KCND3: variants seen among roughly 807,000 people sequenced by gnomAD.
KCND3 encodes the protein A-type voltage-gated potassium channel KCND3.
In KCND3, 9 loss-of-function variants were observed where a neutral mutation model predicts 51.1. The ratio of observed to expected loss-of-function variants is 0.18; its 90% confidence interval spans 0.11 to 0.31. The LOEUF (loss-of-function observed/expected upper bound fraction) is 0.31. Ranked by LOEUF, KCND3 falls within the 10% of genes least tolerant of loss-of-function variation. KCND3 has a pLI of 1.00. For synonymous variants in KCND3, 349 were observed against 368.0 expected (o/e 0.95, Z 0.59); for missense variants, 526 against 903.8 (o/e 0.58, Z 5.36).
intron 2 of KCND3, among the ~76,000 whole-genome samples, chr1:111,862,167 CAAG>C (rs1668364128): frequency 1.3e-5 from 2 of 152,202 alleles, no homozygotes; most frequent in South Asian, 4.1e-4. Flanking sequence ...CCTGCTTTGA[CAAG>C]AGGGCATTGG....
chr1:111,856,063 A>G (rs1049883689), intron 2 of KCND3, among the ~76,000 whole-genome samples: 10 of 152,238 alleles, frequency 6.6e-5, no homozygotes, highest in Non-Finnish European at 1.3e-4. Flanking sequence ...CCCAGCCAGA[A>G]GCCAGGATGG....
chr1:111,816,679 A>G (rs917212477), intron 2 of KCND3, among the ~76,000 whole-genome samples: 1 of 152,240 alleles, frequency 6.6e-6, no homozygotes, highest in Admixed American at 6.5e-5. Context: ...ATTATTGCCA[A>G]CTGTTTTACA....
At position 111,812,312 on chromosome 1, in the gene KCND3, C is replaced by T. The variant is rs57229985; in HGVS notation, c.1107-25206G>A. 4.4e-3 allele frequency among the ~76,000 whole-genome samples: 674 copies of T among 152,238 alleles called. 6 individuals carry two copies. Among genetic ancestry groups the T allele is most frequent in the African/African-American group, 0.016 (652 of 41,536 alleles). On this transcript the variant is annotated intron_variant, in intron 2 of 7. Transcript: ENST00000302127. The stretch of plus-strand genomic sequence containing the variant: ...TGCCTGTGGCCTCTGTGTGCCACAC[C>T]CTGCATGGGGAATTAGGGGAAATGC...
At chr1:111,817,211 A>G (rs1299320235) in intron 2 of KCND3, among the ~76,000 whole-genome samples, 1 of 151,330 alleles carries the variant, frequency 6.6e-6, no homozygotes, top group Non-Finnish European at 1.5e-5. Context: ...GAAGTGGGGT[A>G]GCAAGAAAGT....
chr1:111,780,155 A>C lies in KCND3; in HGVS notation c.1461+70T>G. 7.1e-7 allele frequency: 1 copy of C among 1,401,240 alleles called. No homozygotes were observed. The allele number at this position is 1,401,240 out of a possible 1,614,324, so 86.8% of individuals were successfully genotyped here. A position where few individuals can be genotyped will look rare whatever the true frequency, so the allele number is the denominator to read the frequency against. On this transcript the variant is annotated intron_variant, in intron 5 of 7. Coordinates refer to ENST00000302127, the MANE Select transcript of KCND3 (RefSeq NM_001378969.1). This position sits in a 1 kb window ranked among gnomAD's most constrained non-coding sequence, Gnocchi z 4.2. ...CTTTGACTTCTGGCCCAGAGTGAAG[A>C]TGTGAGTACAGCCTTAGAAAAGGGT...
intron 2 of KCND3, among the ~76,000 whole-genome samples, chr1:111,807,125 G>A (rs1222744291): frequency 6.6e-6 from 1 of 152,168 alleles, no homozygotes; most frequent in East Asian, 1.9e-4. Context: ...CCAGCACAGA[G>A]TCAAAGATAA....
At chr1:111,878,679 T>C (rs1456720816) in intron 2 of KCND3, among the ~76,000 whole-genome samples, 1 of 152,214 alleles carries the variant, frequency 6.6e-6, no homozygotes, top group African/African-American at 2.4e-5. Context: ...GAGGATGCTG[T>C]AAGCACTCTC....
chr1:111,935,373 C>T lies in KCND3; in HGVS notation c.1106+46248G>A, dbSNP rs139212545. 1.3e-4 allele frequency among the ~76,000 whole-genome samples: 20 copies of T among 152,266 alleles called. No homozygotes were observed. In the East Asian group the frequency reaches 3.9e-3, roughly 29 times the overall value. On this transcript the variant is annotated intron_variant, in intron 2 of 7. Coordinates refer to ENST00000302127, the MANE Select transcript of KCND3 (RefSeq NM_001378969.1). ...GCTTGTGGATTATTTGTGCAACCAC[C>T]TGCTTCCCTTACTCCCAGATAATTG...
chr1:111,792,945 A>C (rs928400356), intron 2 of KCND3, among the ~76,000 whole-genome samples: 1 of 149,024 alleles, frequency 6.7e-6, no homozygotes, highest in Non-Finnish European at 1.5e-5. Flanking sequence ...TTTTATATAT[A>C]AAATAATACC....
chr1:111,969,198 A>G (rs901564526), intron 2 of KCND3, among the ~76,000 whole-genome samples: 1 of 151,864 alleles, frequency 6.6e-6, no homozygotes, highest in African/African-American at 2.4e-5. Flanking sequence ...TCGTGTGCCT[A>G]CTGACCTTGT....
chr1:111,920,923 A>G lies in KCND3; in HGVS notation c.1106+60698T>C, dbSNP rs146949435. ...CCCCAGCAGGGAGTCTTTGCAAAGT[A>G]TCCTCTTTATCTGCCTTTCTTCATT... On this transcript the variant is annotated intron_variant, in intron 2 of 7. Transcript: ENST00000302127. Among the ~76,000 whole-genome samples the G allele has an allele frequency of 2.7e-3, 416 of 152,334 alleles. 2 individuals are homozygous for G. The highest frequency in any genetic ancestry group is 4.6e-3 in the Non-Finnish European group (316 of 68,034).
At chr1:111,834,885 AT>A (rs2101627754) in intron 2 of KCND3, among the ~76,000 whole-genome samples, 1 of 152,348 alleles carries the variant, frequency 6.6e-6, no homozygotes, top group South Asian at 2.1e-4. Flanking sequence ...AGCTGTGGAC[AT>A]GCTTCAGTCT....
rs369748706 is a variant in KCND3 at position 111,816,306 on chromosome 1, C to T, written c.1107-29200G>A. Reference sequence around the variant, plus strand: ...GAAATGTCAGACTTCAAAGGGTCACCCCAGACCTGGTAGGCTGTCAAGTCC... The same window carrying T: ...GAAATGTCAGACTTCAAAGGGTCACTCCAGACCTGGTAGGCTGTCAAGTCC... On this transcript the variant is annotated intron_variant, in intron 2 of 7. Transcript: ENST00000302127. Among the ~76,000 whole-genome samples the T allele has an allele frequency of 7.6e-4, 116 of 152,364 alleles. 1 individual carries two copies. Among genetic ancestry groups the T allele is most frequent in the African/African-American group, 2.7e-3 (114 of 41,598 alleles).
At chr1:111,909,499 C>T (rs1161385762) in intron 2 of KCND3, 2 of 152,168 alleles carry the variant, frequency 1.3e-5, no homozygotes, top group African/African-American at 4.8e-5. Flanking sequence ...AAACAGCAAA[C>T]GGTAACACAG....
chr1:111,838,270 G>A (rs12738398), intron 2 of KCND3, among the ~76,000 whole-genome samples: 1 of 152,140 alleles, frequency 6.6e-6, no homozygotes, highest in Non-Finnish European at 1.5e-5. Flanking sequence ...CACTCCAGGT[G>A]GTGGAGGTCA....
At chr1:111,968,092 G>C (rs1674105780) in intron 2 of KCND3, among the ~76,000 whole-genome samples, 1 of 152,206 alleles carries the variant, frequency 6.6e-6, no homozygotes, top group African/African-American at 2.4e-5. Flanking sequence ...ATGCGTGGGG[G>C]TGAGAAGGAG....
chr1:111,962,224 T>C (rs554230164), intron 2 of KCND3, among the ~76,000 whole-genome samples: 1 of 152,204 alleles, frequency 6.6e-6, no homozygotes. Flanking sequence ...TTTGATCACA[T>C]TGTAAGAAAG....
intron 2 of KCND3, chr1:111,911,062 C>T (rs1670921381): frequency 6.6e-6 from 1 of 152,308 alleles, no homozygotes; most frequent in South Asian, 2.1e-4. Flanking sequence ...CATTAGGAAG[C>T]AGGGAGGTGG....
In KCND3 at chr1:111,851,613, T is replaced by C. The variant is rs138144018; in HGVS notation, c.1107-64507A>G. ...GTAAACATGCCTGCATTACAGTCTT[T>C]ACCCCATTGTATTGCAAACATTTGT... On this transcript the variant is annotated intron_variant, in intron 2 of 7. Transcript: ENST00000302127. 9.2e-5 allele frequency among the ~76,000 whole-genome samples: 14 copies of C among 152,366 alleles called. No homozygotes were observed. The East Asian group carries it at 2.5e-3, about 27-fold the overall frequency.
Sources: gnomAD v4.1 joint callset for allele counts (sites outside exome capture counted in the v4.1 genomes callset) on GRCh38, gnomAD v4.1.1 for gene constraint, Gnocchi (gnomAD v3.1) non-coding constraint, MANE v1.5 for transcripts, NCBI Gene and HGNC (gene_info 2026-07-23, HGNC 2026-07-21) for gene names.